The following ST6GAL2 variants were observed in gnomAD, a reference collection of about 807,000 sequenced individuals.
ST6GAL2 encodes the protein ST6 beta-galactoside alpha-2,6-sialyltransferase 2.
In ST6GAL2, 24 loss-of-function variants were observed where a neutral mutation model predicts 37.5. That is an observed-to-expected ratio of 0.64 (90% confidence interval 0.46 to 0.90). The LOEUF (loss-of-function observed/expected upper bound fraction) is 0.90, where lower values mean the gene tolerates loss of function less well. ST6GAL2 is among the 40% of genes least tolerant of loss of function. The pLI, the probability that ST6GAL2 is intolerant of heterozygous loss-of-function variation, is 0.00. For synonymous variants in ST6GAL2, 306 were observed against 295.1 expected (o/e 1.04, Z -0.38); for missense variants, 715 against 712.7 (o/e 1.00, Z -0.04).
chr2:106,848,756 A>T (rs919870318), intron 1 of ST6GAL2, among the ~76,000 whole-genome samples: 2 of 152,236 alleles, frequency 1.3e-5, no homozygotes, highest in African/African-American at 4.8e-5. Context: ...AAAATAATTC[A>T]AACTTAAAGC....
At chr2:106,814,146 T>G (rs142969676) in intron 5 of ST6GAL2, among the ~76,000 whole-genome samples, 66 of 152,292 alleles carry the variant, frequency 4.3e-4, no homozygotes, top group African/African-American at 1.5e-3. Flanking sequence ...AAGGTCAATT[T>G]TTAGCTCATT....
intron 1 of ST6GAL2, among the ~76,000 whole-genome samples, chr2:106,868,941 T>G (rs1678149818): frequency 6.6e-6 from 1 of 152,200 alleles, no homozygotes; most frequent in South Asian, 2.1e-4. Context: ...GTGGTAAGAT[T>G]CAAAGTAGAC....
intron 1 of ST6GAL2, among the ~76,000 whole-genome samples, chr2:106,869,542 G>A (rs1258115570): frequency 6.6e-6 from 1 of 152,146 alleles, no homozygotes; most frequent in Non-Finnish European, 1.5e-5. Context: ...GGAGGGCATG[G>A]GCTGACTGTT....
In ST6GAL2 at chr2:106,843,193, C is replaced by A; in HGVS notation, c.785G>T (p.Arg262Leu). The A allele has an allele frequency of 6.5e-7, 1 of 1,545,772 alleles. No homozygotes were observed. The highest frequency in any genetic ancestry group is 2.4e-5 in the East Asian group (1 of 41,840). ...GGGCGCCTCGGTGCCGTCCAGCGTCCGCACGCGCGCGCGGCTCCGCAGCTG... is the reference window on the plus strand; with the variant it reads ...GGGCGCCTCGGTGCCGTCCAGCGTCAGCACGCGCGCGCGGCTCCGCAGCTG... ...LCQLRSRARVRTLDGTEAPFS... is the reference protein window; with the variant it reads ...LCQLRSRARVLTLDGTEAPFS... Residue 262 changes from arginine (R) to leucine (L), a missense_variant, in exon 2 of 6, where the codon CGG becomes CTG. Physicochemically the swap from Arg to Leu is moderately radical, Grantham distance 102. Transcript: ENST00000409382.
chr2:106,879,115 C>T (rs1159937210), intron 1 of ST6GAL2, among the ~76,000 whole-genome samples: 1 of 152,122 alleles, frequency 6.6e-6, no homozygotes, highest in African/African-American at 2.4e-5. Context: ...TCCTTTCACC[C>T]ACTTCTGGTT....
chr2:106,820,240 A>G (rs1675951038), intron 5 of ST6GAL2, among the ~76,000 whole-genome samples: 1 of 152,084 alleles, frequency 6.6e-6, no homozygotes, highest in East Asian at 1.9e-4. Flanking sequence ...TTCACCAATA[A>G]AGAGACACAT....
chr2:106,875,436 C>T (rs1678463660), intron 1 of ST6GAL2, among the ~76,000 whole-genome samples: 1 of 152,146 alleles, frequency 6.6e-6, no homozygotes, highest in Non-Finnish European at 1.5e-5. Flanking sequence ...TTTTGTCCTC[C>T]CAAAGTGCTG....
chr2:106,823,486 C>CACACAG (rs755735360), intron 5 of ST6GAL2, among the ~76,000 whole-genome samples: 1,556 of 117,800 alleles, frequency 0.013, 12 homozygotes, highest in South Asian at 0.023. Flanking sequence ...CACACACACA[C>CACACAG]AGAGAGAGAG....
At chr2:106,884,455 T>A (rs561690310) in intron 1 of ST6GAL2, among the ~76,000 whole-genome samples, 1 of 152,236 alleles carries the variant, frequency 6.6e-6, no homozygotes, top group Admixed American at 6.5e-5. Flanking sequence ...TGGTCCTTGC[T>A]CTGACCTCAC....
chr2:106,807,023 T>C (rs1327852151), intron 5 of ST6GAL2, 74 bp from the exon 6 acceptor site: 1 of 1,277,320 alleles, frequency 7.8e-7, no homozygotes, highest in Non-Finnish European at 1.1e-6. Context: ...GGGGGAGGGG[T>C]GGTGGTGATG....
At chr2:106,881,255 T>C (rs964771270) in intron 1 of ST6GAL2, among the ~76,000 whole-genome samples, 1 of 152,152 alleles carries the variant, frequency 6.6e-6, no homozygotes, top group Non-Finnish European at 1.5e-5. Context: ...TCCCAAAGTG[T>C]TGGGATTATA....
At chr2:106,853,506 A>T (rs538825076) in intron 1 of ST6GAL2, among the ~76,000 whole-genome samples, 13 of 152,326 alleles carry the variant, frequency 8.5e-5, no homozygotes, top group African/African-American at 3.1e-4. Flanking sequence ...AAGCAAGAGG[A>T]GGTCCAGAGC....
intron 1 of ST6GAL2, among the ~76,000 whole-genome samples, chr2:106,854,557 T>A (rs1677496799): frequency 6.6e-6 from 1 of 152,170 alleles, no homozygotes. Flanking sequence ...TACAGTAATT[T>A]AATTTATATG....
intron 1 of ST6GAL2, among the ~76,000 whole-genome samples, chr2:106,854,304 A>G (rs141785385): frequency 8.7e-4 from 133 of 152,320 alleles, no homozygotes; most frequent in African/African-American, 3.1e-3. Context: ...AATTTCGGAT[A>G]AGCCTCAGTT....
intron 1 of ST6GAL2, among the ~76,000 whole-genome samples, chr2:106,883,777 CACAAT>C (rs1678846733): frequency 6.6e-6 from 1 of 152,078 alleles, no homozygotes. Flanking sequence ...TCAGGAATAA[CACAAT>C]ACATTTAAAG....
chr2:106,831,079 G>C (rs890570836), intron 4 of ST6GAL2, among the ~76,000 whole-genome samples: 1 of 152,162 alleles, frequency 6.6e-6, no homozygotes, highest in African/African-American at 2.4e-5. Context: ...CAGACATCAG[G>C]GGTATATAAT....
At chr2:106,810,806 G>T (rs1464603593) in intron 5 of ST6GAL2, among the ~76,000 whole-genome samples, 4 of 152,034 alleles carry the variant, frequency 2.6e-5, no homozygotes, top group Non-Finnish European at 1.5e-5. Context: ...CAAAATATCA[G>T]CCAGGCATGG....
intron 4 of ST6GAL2, 54 bp downstream of exon 4, chr2:106,832,511 T>C (rs368041751): frequency 1.1e-5 from 10 of 889,486 alleles, no homozygotes; most frequent in South Asian, 9.6e-5. Flanking sequence ...TATGATTAAT[T>C]AGTCAAAGCC....
chr2:106,813,999 G>T (rs928423409), intron 5 of ST6GAL2, among the ~76,000 whole-genome samples: 7 of 152,174 alleles, frequency 4.6e-5, no homozygotes, highest in African/African-American at 1.7e-4. Context: ...GATTCTTAAA[G>T]AGATAAAAGT....
Sources: allele counts gnomAD v4.1 joint callset (sites outside exome capture counted in the v4.1 genomes callset), GRCh38; gene constraint gnomAD v4.1.1; transcripts MANE v1.5; gene names NCBI Gene and HGNC (gene_info 2026-07-23, HGNC 2026-07-21).